GPC6: variants seen among roughly 807,000 people sequenced by gnomAD.
The protein encoded by GPC6 is glypican-6.
Under a neutral mutation model 55.2 loss-of-function variants are expected in GPC6, and 14 were observed. The observed-to-expected ratio is 0.25, with a 90% CI of 0.17 to 0.40. The LOEUF is 0.40. Among genes scored for constraint, GPC6 ranks in the 10% least tolerant of loss-of-function variants. The pLI, the probability that GPC6 is intolerant of heterozygous loss-of-function variation, is 1.00. For synonymous variants in GPC6, 278 were observed against 259.6 expected (o/e 1.07, Z -0.68); for missense variants, 641 against 708.5 (o/e 0.90, Z 1.08).
intron 1 of GPC6, among the ~76,000 whole-genome samples, chr13:93,479,616 C>CG (rs1555303837): frequency 2.2e-5 from 2 of 92,384 alleles, no homozygotes; most frequent in Non-Finnish European, 4.9e-5. Context: ...AGACCCCCCC[C>CG]CATCTCTACT....
At chr13:93,935,615 A>G (rs1386126283) in intron 3 of GPC6, among the ~76,000 whole-genome samples, 1 of 152,194 alleles carries the variant, frequency 6.6e-6, no homozygotes, top group Non-Finnish European at 1.5e-5. Flanking sequence ...TGAAGCTATT[A>G]TAAAGTTTAA....
At chr13:93,347,143 G>A (rs1340845384) in intron 1 of GPC6, among the ~76,000 whole-genome samples, 1 of 152,126 alleles carries the variant, frequency 6.6e-6, no homozygotes, top group African/African-American at 2.4e-5. Flanking sequence ...AACCAAGTAA[G>A]ACTCCACACT....
At chr13:93,368,702 T>C (rs1035395211) in intron 1 of GPC6, among the ~76,000 whole-genome samples, 1 of 152,052 alleles carries the variant, frequency 6.6e-6, no homozygotes, top group Non-Finnish European at 1.5e-5. Flanking sequence ...TGAAGGCTTT[T>C]CATTGTTATA....
intron 3 of GPC6, among the ~76,000 whole-genome samples, chr13:93,988,159 T>C (rs962921263): frequency 2.6e-5 from 4 of 152,192 alleles, no homozygotes; most frequent in African/African-American, 9.7e-5. Context: ...ATCACAATCA[T>C]CATGTTTGGG....
At chr13:93,959,027 T>C (rs1879640404) in intron 3 of GPC6, among the ~76,000 whole-genome samples, 1 of 152,206 alleles carries the variant, frequency 6.6e-6, no homozygotes, top group South Asian at 2.1e-4. Flanking sequence ...ATTGATTTTG[T>C]ATTCTGAAAT....
At chr13:93,568,726 C>A (rs1463306811) in intron 2 of GPC6, among the ~76,000 whole-genome samples, 1 of 152,164 alleles carries the variant, frequency 6.6e-6, no homozygotes, top group Admixed American at 6.5e-5. Context: ...CTGAGGCTGT[C>A]TCTGTCTGGC....
At chr13:94,385,428 A>C (rs1380193370) in intron 7 of GPC6, among the ~76,000 whole-genome samples, 1 of 152,224 alleles carries the variant, frequency 6.6e-6, no homozygotes, top group Non-Finnish European at 1.5e-5. Flanking sequence ...GATCAATGGG[A>C]AGCCATTGGA....
intron 1 of GPC6, among the ~76,000 whole-genome samples, chr13:93,284,640 C>T (rs995132235): frequency 4.6e-5 from 7 of 152,090 alleles, no homozygotes; most frequent in African/African-American, 1.7e-4. Flanking sequence ...GCCCAAGAAT[C>T]ATATAGTAAA....
At chr13:93,804,828 T>C (rs1435422179) in intron 2 of GPC6, among the ~76,000 whole-genome samples, 1 of 152,178 alleles carries the variant, frequency 6.6e-6, no homozygotes, top group East Asian at 1.9e-4. Flanking sequence ...ATGTAATAGC[T>C]GCATGACGTT....
At position 93,728,397 on chromosome 13, in the gene GPC6, T is replaced by TTA. The variant is rs979544201; in HGVS notation, c.320-101745_320-101744dup. Among the ~76,000 whole-genome samples the TTA allele has an allele frequency of 5.7e-4, 86 of 149,988 alleles. No homozygotes were observed. In the South Asian group the frequency reaches 9.4e-3, roughly 16 times the overall value. On this transcript the variant is annotated intron_variant, in intron 2 of 8. Coordinates refer to ENST00000377047, the MANE Select transcript of GPC6 (RefSeq NM_005708.5). ...GCCTGGCTAAATGCTTTTTTTATTA[T>TTA]TATATATATATATTTTTATTTTTTG...
rs1176435444 is a variant in GPC6, at chr13:94,137,533, T to C, written c.877+109639T>C. ...AGGCAACTAAAAGCAAGAAAGACTT[T>C]CCAGGCAGAGACAAGGGAAGATGCT... On this transcript the variant is annotated intron_variant, in intron 4 of 8. Coordinates refer to ENST00000377047, the MANE Select transcript of GPC6 (RefSeq NM_005708.5). Among the ~76,000 whole-genome samples, 4 of 152,180 alleles carry C rather than the reference T, an allele frequency of 2.6e-5. No homozygotes were observed. The South Asian group carries it at 8.3e-4, about 32-fold the overall frequency.
chr13:94,197,682 A>G (rs922259139), intron 4 of GPC6, among the ~76,000 whole-genome samples: 4 of 152,296 alleles, frequency 2.6e-5, no homozygotes, highest in South Asian at 2.1e-4. Context: ...GAGCTTCAAC[A>G]TGTGCCTCTT....
intron 3 of GPC6, among the ~76,000 whole-genome samples, chr13:93,861,506 G>A (rs1888813287): frequency 6.6e-6 from 1 of 151,400 alleles, no homozygotes. Context: ...ACTGAATGTA[G>A]ATAGGACGGG....
chr13:93,595,650 T>C (rs1025445227), intron 2 of GPC6, among the ~76,000 whole-genome samples: 1 of 152,182 alleles, frequency 6.6e-6, no homozygotes, highest in Non-Finnish European at 1.5e-5. Flanking sequence ...CTAATGTCCT[T>C]CTGATTGTAC....
intron 2 of GPC6, among the ~76,000 whole-genome samples, chr13:93,620,636 C>T (rs1878911505): frequency 6.6e-6 from 1 of 152,174 alleles, no homozygotes; most frequent in African/African-American, 2.4e-5. Context: ...ATATTTGAAG[C>T]CGCTCTCTGG....
intron 4 of GPC6, among the ~76,000 whole-genome samples, chr13:94,070,177 AAG>A (rs1186650849): frequency 6.6e-6 from 1 of 152,108 alleles, no homozygotes; most frequent in Admixed American, 6.5e-5. Context: ...GCGGCAGGCA[AAG>A]AGAGAGAGAG....
intron 2 of GPC6, among the ~76,000 whole-genome samples, chr13:93,575,954 C>G (rs1018191041): frequency 5.9e-5 from 9 of 151,950 alleles, no homozygotes; most frequent in Admixed American, 5.9e-4. Context: ...ACCCAGTTGC[C>G]TAAATGCACA....
chr13:93,600,985 G>T (rs982943274), intron 2 of GPC6, among the ~76,000 whole-genome samples: 1 of 151,504 alleles, frequency 6.6e-6, no homozygotes, highest in East Asian at 1.9e-4. Flanking sequence ...AAAAAACGGG[G>T]ATATGATTTC....
intron 3 of GPC6, among the ~76,000 whole-genome samples, chr13:93,989,424 C>T (rs972474847): frequency 6.6e-6 from 1 of 152,176 alleles, no homozygotes; most frequent in Non-Finnish European, 1.5e-5. Context: ...TGCTCACCTG[C>T]TGGTAATTCG....
Sources: allele counts gnomAD v4.1 joint callset (sites outside exome capture counted in the v4.1 genomes callset), GRCh38; gene constraint gnomAD v4.1.1; transcripts MANE v1.5; gene names NCBI Gene and HGNC (gene_info 2026-07-23, HGNC 2026-07-21).